ABCA9: variants seen among roughly 807,000 people sequenced by gnomAD.
ABCA9 encodes ATP-binding cassette sub-family A member 9.
ABCA9 carries 183 observed loss-of-function variants against 205.3 expected under a neutral mutation model. The ratio of observed to expected loss-of-function variants is 0.89; its 90% CI spans 0.79 to 1.01. The LOEUF (loss-of-function observed/expected upper bound fraction) is 1.01, where lower values mean the gene tolerates loss of function less well. Ranked by LOEUF, ABCA9 falls within the 50% of genes least tolerant of loss-of-function variation. The pLI is 0.00. For synonymous variants in ABCA9, 651 were observed against 683.3 expected (o/e 0.95, Z 0.74); for missense variants, 1,805 against 1,912.4 (o/e 0.94, Z 1.05).
intron 23 of ABCA9, among the ~76,000 whole-genome samples, chr17:69,009,659 A>G (rs2144192995): frequency 6.6e-6 from 1 of 152,280 alleles, no homozygotes; most frequent in East Asian, 1.9e-4. Context: ...CACTGGATGA[A>G]AAATAGAGAC....
chr17:69,070,340 T>C, the ABCA9 span, among the ~76,000 whole-genome samples: 1 of 152,106 alleles, frequency 6.6e-6, no homozygotes, highest in Non-Finnish European at 1.5e-5. Context: ...CTGCAGCTCC[T>C]AGCGAGATCA....
At chr17:69,008,957 T>C (rs1156697260) in intron 23 of ABCA9, among the ~76,000 whole-genome samples, 2 of 152,150 alleles carry the variant, frequency 1.3e-5, no homozygotes, top group Admixed American at 6.5e-5. Context: ...AGGAGATTCA[T>C]TAGCAAAAAA....
At chr17:68,976,250 G>A in intron 37 of ABCA9, 60 bp from the exon 38 acceptor site, 1 of 1,385,534 alleles carries the variant, frequency 7.2e-7, no homozygotes. Context: ...GTTTTACCAA[G>A]TAACAAACCA....
intron 20 of ABCA9, 79 bp downstream of exon 20, chr17:69,018,334 T>C: frequency 7.9e-7 from 1 of 1,267,560 alleles, no homozygotes; most frequent in Non-Finnish European, 1.1e-6. Context: ...TTTATTTTTT[T>C]CTTGGCTGTT....
Position 69,024,331 on chromosome 17 carries a change from C to A in ABCA9, c.2164G>T (p.Asp722Tyr), listed in dbSNP as rs1387909946. ...HLSLHLNERC[D>Y]PESITSLVKQ... is the part of the protein sequence containing the mutation. ...ACCAGTGATGTTATACTCTCTGGAT[C>A]ACACCTTTCATTCAGATGCAAACTA... The change falls in exon 17 of 39, where the codon GAT becomes TAT. Residue 722 changes from aspartate (D) to tyrosine (Y), a missense_variant. Transcript: ENST00000340001. 6.3e-6 allele frequency: 10 copies of A among 1,597,706 alleles called. No homozygotes were observed. The Admixed American group carries it at 1.2e-4, about 20-fold the overall frequency.
chr17:68,995,061 A>G (rs2069572695), intron 26 of ABCA9, among the ~76,000 whole-genome samples: 1 of 152,172 alleles, frequency 6.6e-6, no homozygotes, highest in Non-Finnish European at 1.5e-5. Context: ...TGACACTTTC[A>G]TTAAAATCGA....
In ABCA9 at chr17:69,027,334, G is replaced by C; in HGVS notation, c.1907C>G (p.Pro636Arg). 1 of 1,612,570 alleles carries C rather than the reference G, an allele frequency of 6.2e-7. No individual in the cohort carries two copies. Among genetic ancestry groups the C allele is most frequent in the Non-Finnish European group, 8.5e-7 (1 of 1,179,414 alleles). ...AGTAATTTTTGTTTGACTTACTTGA[G>C]GATCTCCTAAAATGGCAATCCCAAA... ...LTFGIAILGD[P>R]QVLLLDEPTA... Residue 636 changes from proline (P) to arginine (R), a missense_variant, in exon 14 of 39, where the codon CCT (proline) becomes CGT (arginine). Physicochemically the swap from Pro to Arg is moderately radical, Grantham distance 103. Transcript: ENST00000340001.
the ABCA9 span, among the ~76,000 whole-genome samples, chr17:69,070,624 A>G: frequency 2.0e-5 from 3 of 152,122 alleles, no homozygotes; most frequent in African/African-American, 7.2e-5. Flanking sequence ...TTGGGTGCCT[A>G]CACCACCAGG....
chr17:69,070,352 C>T, the ABCA9 span, among the ~76,000 whole-genome samples: 4 of 152,280 alleles, frequency 2.6e-5, no homozygotes, highest in African/African-American at 7.2e-5. Flanking sequence ...GCGAGATCAA[C>T]GCAGAAGACG....
At chr17:69,066,530 G>T in the ABCA9 span, among the ~76,000 whole-genome samples, 1 of 151,912 alleles carries the variant, frequency 6.6e-6, no homozygotes, top group Non-Finnish European at 1.5e-5. Context: ...CGCTGAACAC[G>T]CAGGAGAAAC....
At chr17:69,002,519 G>A (rs1269163764) in intron 25 of ABCA9, among the ~76,000 whole-genome samples, 6 of 150,576 alleles carry the variant, frequency 4.0e-5, no homozygotes, top group African/African-American at 9.9e-5. Context: ...TACATTTGCT[G>A]AGGAGAGCTT....
At chr17:69,027,947 A>G in intron 12 of ABCA9, 132 bp from the exon 13 acceptor site, 1 of 705,926 alleles carries the variant, frequency 1.4e-6, no homozygotes, top group African/African-American at 1.8e-5. Flanking sequence ...GGAATATGCA[A>G]TGAACTGATT....
At position 69,008,200 on chromosome 17, in the gene ABCA9, G is replaced by A; in HGVS notation, c.3183C>T (p.Leu1061=). ...KAHSQLRISG[L]YPSAYWFGQA... ...GGCCAAACCAGTATGCAGAAGGGTA[G>A]AGGCCTGAAATCCGTAGCTGGGAAT... is the stretch of plus-strand genomic sequence containing the variant. The change falls in exon 24 of 39, where the codon CTC becomes CTT. Residue 1061 remains leucine (L), a synonymous_variant. Coordinates refer to ENST00000340001, the MANE Select transcript of ABCA9 (RefSeq NM_080283.4). The A allele has an allele frequency of 6.2e-7, 1 of 1,613,864 alleles. No individual in the cohort carries two copies. The highest frequency in any genetic ancestry group is 8.5e-7 in the Non-Finnish European group (1 of 1,179,960).
Position 69,026,959 on chromosome 17 carries a change from G to A in ABCA9, c.2050+17C>T. The A allele has an allele frequency of 6.2e-7, 1 of 1,613,344 alleles. No homozygotes were observed. Among genetic ancestry groups the A allele is most frequent in the Non-Finnish European group, 8.5e-7 (1 of 1,179,650 alleles). ...TCTAACCTCTCATGAAGATACATAA[G>A]AGAAACAAAAAATTACCCGCCAGAA... is the stretch of plus-strand genomic sequence containing the variant. On this transcript the variant is annotated intron_variant, in intron 15 of 38. Coordinates refer to ENST00000340001, the MANE Select transcript of ABCA9 (RefSeq NM_080283.4).
intron 22 of ABCA9, among the ~76,000 whole-genome samples, chr17:69,012,860 A>G (rs1013114021): frequency 7.2e-5 from 11 of 152,130 alleles, no homozygotes; most frequent in Non-Finnish European, 1.5e-5. Context: ...TTTTGTACCT[A>G]TTAACCATTC....
At chr17:68,988,905 ATCT>A (rs1359288347) in intron 31 of ABCA9, 119 bp downstream of exon 31, 3 of 600,066 alleles carry the variant, frequency 5.0e-6, no homozygotes, top group Admixed American at 5.5e-5. Flanking sequence ...TTTTTAATCA[ATCT>A]TCTTTATTCA....
At chr17:68,980,328 C>A (rs909219226) in intron 37 of ABCA9, among the ~76,000 whole-genome samples, 1 of 152,142 alleles carries the variant, frequency 6.6e-6, no homozygotes, top group South Asian at 2.1e-4. Context: ...TACTTTTACA[C>A]TGTTGGTGGG....
rs1490094312 is a variant in ABCA9, at chr17:68,975,136, G to C, written c.*779C>G. The C allele has an allele frequency of 6.6e-6, 1 of 152,152 alleles. No homozygotes were observed. The highest frequency in any genetic ancestry group is 6.5e-5 in the Admixed American group (1 of 15,270). The allele number at this position is 152,152 out of a possible 1,614,324, so 9.4% of individuals were successfully genotyped here. A position where few individuals can be genotyped will look rare whatever the true frequency, so the allele number is the denominator to read the frequency against. On this transcript the variant is annotated 3_prime_UTR_variant, in exon 39 of 39. Transcript: ENST00000340001. ...TTCTGTTCCTGTGTTAGTTTGCTGAGGATGATGGTTTCCAGCTTCATCCAT... is the reference window on the plus strand; with the variant it reads ...TTCTGTTCCTGTGTTAGTTTGCTGACGATGATGGTTTCCAGCTTCATCCAT...
intron 6 of ABCA9, 67 bp downstream of exon 6, chr17:69,043,422 A>C (rs2071611168): frequency 1.5e-6 from 2 of 1,346,654 alleles, no homozygotes; most frequent in African/African-American, 3.0e-5. Context: ...CCCTGGTCTA[A>C]GGAGTCAACC....
Sources: allele counts gnomAD v4.1 joint callset (sites outside exome capture counted in the v4.1 genomes callset), GRCh38; gene constraint gnomAD v4.1.1; transcripts MANE v1.5; gene names NCBI Gene and HGNC (gene_info 2026-07-23, HGNC 2026-07-21).